DLGAP2: variants seen among roughly 807,000 people sequenced by gnomAD.
The protein encoded by DLGAP2 is disks large-associated protein 2.
Under a neutral mutation model 100.3 loss-of-function variants are expected in DLGAP2, and 26 were observed. The observed-to-expected ratio is 0.26, with a 90% CI of 0.19 to 0.36. DLGAP2 has a LOEUF of 0.36. Among genes scored for constraint, DLGAP2 ranks in the 10% least tolerant of loss-of-function variants. The pLI, the probability that DLGAP2 is intolerant of heterozygous loss-of-function variation, is 1.00. For missense variants in DLGAP2, 1,858 were observed against 1,453.2 expected (o/e 1.28, Z -4.53); for synonymous variants, 886 against 630.1 (o/e 1.41, Z -6.08).
intron 1 of DLGAP2, among the ~76,000 whole-genome samples, chr8:877,287 A>G (rs1301730511): frequency 6.6e-6 from 1 of 152,004 alleles, no homozygotes; most frequent in Non-Finnish European, 1.5e-5. Context: ...TCCTTCCCCC[A>G]CACCTGGGCT....
At chr8:1,699,177 C>G (rs1037128754) in intron 14 of DLGAP2, among the ~76,000 whole-genome samples, 5 of 152,322 alleles carry the variant, frequency 3.3e-5, no homozygotes, top group Non-Finnish European at 5.9e-5. Flanking sequence ...CAAACGTGAG[C>G]CCATCTACCC....
chr8:1,426,278 C>T (rs904061235), intron 3 of DLGAP2, among the ~76,000 whole-genome samples: 1 of 152,126 alleles, frequency 6.6e-6, no homozygotes, highest in Non-Finnish European at 1.5e-5. Flanking sequence ...AACGAGGAGA[C>T]TAAGGAATTT....
chr8:920,939 C>T lies in DLGAP2; in HGVS notation c.73+12973C>T, dbSNP rs552334716. 1.3e-4 allele frequency among the ~76,000 whole-genome samples: 20 copies of T among 152,338 alleles called. No homozygotes were observed. In the South Asian group the frequency reaches 3.9e-3, roughly 30 times the overall value. ...ATGAGCTGAATCCTGGTCCTCACCC[C>T]ACTTTCCCTCGTTTTTGTTACTGCC... On this transcript the variant is annotated intron_variant, in intron 2 of 14. Coordinates refer to ENST00000637795, the MANE Select transcript of DLGAP2 (RefSeq NM_001346810.2).
chr8:1,103,789 G>GGGGCCTTGGTTGACGGTGATGACTGGCA (rs1181349073), intron 2 of DLGAP2, among the ~76,000 whole-genome samples: 6 of 148,924 alleles, frequency 4.0e-5, no homozygotes, highest in East Asian at 2.0e-4. Context: ...GATGACTGGC[G>GGGGCCTTGGTTGACGGTGATGACTGGCA]GGGCCTTGGT....
At chr8:1,174,181 T>G (rs1379139763) in intron 2 of DLGAP2, among the ~76,000 whole-genome samples, 1 of 152,144 alleles carries the variant, frequency 6.6e-6, no homozygotes, top group South Asian at 2.1e-4. Flanking sequence ...TTAGGTACAT[T>G]TTCCAGGATT....
chr8:1,565,799 G>T lies in DLGAP2; in HGVS notation c.1347G>T (p.Glu449Asp), dbSNP rs781601177. 3 of 1,613,816 alleles carry T rather than the reference G, an allele frequency of 1.9e-6. No homozygotes were observed. The highest frequency in any genetic ancestry group is 2.5e-6 in the Non-Finnish European group (3 of 1,179,836). The stretch of plus-strand genomic sequence containing the variant: ...CCATGGGGGACGAGGAGAGCGGAGA[G>T]TCAGACTCCAGCCCCAAGACATCAC... ...IKAMGDEESG[E>D]SDSSPKTSPK... is the part of the protein sequence containing the mutation. Residue 449 changes from glutamate to aspartate, a missense_variant, in exon 6 of 15, where the codon GAG (glutamate) becomes GAT (aspartate). Glu to Asp is a conservative substitution (Grantham distance 45, BLOSUM62 2). Coordinates refer to ENST00000637795, the MANE Select transcript of DLGAP2 (RefSeq NM_001346810.2).
intron 2 of DLGAP2, among the ~76,000 whole-genome samples, chr8:973,354 G>A (rs1281195612): frequency 6.6e-6 from 1 of 151,978 alleles, no homozygotes; most frequent in African/African-American, 2.4e-5. Flanking sequence ...TCACTTCCCA[G>A]ACGGGGTGGC....
At chr8:1,217,853 G>A (rs899962183) in intron 2 of DLGAP2, among the ~76,000 whole-genome samples, 2 of 152,108 alleles carry the variant, frequency 1.3e-5, no homozygotes, top group Admixed American at 6.6e-5. Flanking sequence ...TCTATAATGA[G>A]TAGTGATGTT....
At chr8:1,382,621 A>G (rs1312016164) in intron 3 of DLGAP2, among the ~76,000 whole-genome samples, 1 of 152,270 alleles carries the variant, frequency 6.6e-6, no homozygotes, top group Middle Eastern at 3.4e-3. Context: ...GTGTGCCTGC[A>G]GTCCCAGCTA....
intron 3 of DLGAP2, among the ~76,000 whole-genome samples, chr8:1,492,612 C>T (rs1584952023): frequency 6.6e-6 from 1 of 152,220 alleles, no homozygotes; most frequent in East Asian, 1.9e-4. Flanking sequence ...GAGGCCCACG[C>T]CTGTCCCCTC....
At chr8:1,259,532 G>A (rs1228100650) in intron 3 of DLGAP2, 1 of 152,224 alleles carries the variant, frequency 6.6e-6, no homozygotes, top group East Asian at 1.9e-4. Flanking sequence ...ATTAACTGGA[G>A]CTTTGATTTC....
At position 1,606,436 on chromosome 8, in the gene DLGAP2, A is replaced by G. The variant is rs541090706; in HGVS notation, c.1443-20304A>G. ...CCCCTAACTCCTCCAACCCCTGGCA[A>G]CCACGAACCTGCATTCTCCCTGTCG... On this transcript the variant is annotated intron_variant, in intron 6 of 14. Transcript: ENST00000637795. 4.1e-4 allele frequency among the ~76,000 whole-genome samples: 62 copies of G among 152,204 alleles called. No individual in the cohort carries two copies. The East Asian group carries it at 6.0e-3, about 15-fold the overall frequency.
intron 2 of DLGAP2, among the ~76,000 whole-genome samples, chr8:1,231,986 C>G (rs188156055): frequency 6.6e-6 from 1 of 152,228 alleles, no homozygotes; most frequent in East Asian, 1.9e-4. Flanking sequence ...TGTAAATCTT[C>G]AAAATAAAAT....
intron 2 of DLGAP2, among the ~76,000 whole-genome samples, chr8:1,121,487 G>T (rs1164238456): frequency 3.3e-5 from 5 of 151,346 alleles, no homozygotes; most frequent in African/African-American, 1.2e-4. Context: ...TAGAACCCAT[G>T]ACCTCCCATC....
intron 3 of DLGAP2, among the ~76,000 whole-genome samples, chr8:1,434,940 C>T (rs752507938): frequency 1.3e-5 from 2 of 152,190 alleles, no homozygotes. Context: ...GTCTGCATGT[C>T]ACATGCCTCT....
Position 737,786 on chromosome 8 carries a change from G to A in DLGAP2, c.-22G>A, listed in dbSNP as rs555048412. Reference sequence around the variant, plus strand: ...CGCTTCGCCATGTCGCCCCGCACCTGCTGAGCCCGGAGCGTCCGAGGATGT... The same window carrying A: ...CGCTTCGCCATGTCGCCCCGCACCTACTGAGCCCGGAGCGTCCGAGGATGT... On this transcript the variant is annotated 5_prime_UTR_variant, in exon 1 of 15. Transcript: ENST00000637795. 1.6e-5 allele frequency: 6 copies of A among 378,576 alleles called. No homozygotes were observed. The highest frequency in any genetic ancestry group is 1.3e-4 in the African/African-American group (6 of 47,740). The allele number at this position is 378,576 out of a possible 1,614,324, so 23.5% of individuals were successfully genotyped here. A position where few individuals can be genotyped will look rare whatever the true frequency, so the allele number is the denominator to read the frequency against.
chr8:1,373,303 C>CGCGGGCGGCAGCTG (rs371792635), intron 3 of DLGAP2, among the ~76,000 whole-genome samples: 7,066 of 151,808 alleles, frequency 0.047, 275 homozygotes, highest in Non-Finnish European at 0.075. Flanking sequence ...GAGCAGGGGC[C>CGCGGGCGGCAGCTG]GCGGGCGGCA....
chr8:1,008,710 G>A (rs1801191644), intron 2 of DLGAP2, among the ~76,000 whole-genome samples: 1 of 152,186 alleles, frequency 6.6e-6, no homozygotes, highest in Non-Finnish European at 1.5e-5. Context: ...TCACTACATC[G>A]CCATGCCAGG....
chr8:1,287,821 G>A (rs1439434860), intron 3 of DLGAP2, among the ~76,000 whole-genome samples: 1 of 127,150 alleles, frequency 7.9e-6, no homozygotes, highest in Non-Finnish European at 1.6e-5. Context: ...ACGGGAACTA[G>A]TTTTGGTTCA....
Sources: gnomAD v4.1 joint callset for allele counts (sites outside exome capture counted in the v4.1 genomes callset) on GRCh38, gnomAD v4.1.1 for gene constraint, MANE v1.5 for transcripts, NCBI Gene and HGNC (gene_info 2026-07-23, HGNC 2026-07-21) for gene names.